NFASC: variants seen among roughly 807,000 people sequenced by gnomAD.
The protein encoded by NFASC is neurofascin.
NFASC carries 43 observed loss-of-function variants against 147.5 expected under a neutral mutation model. The observed-to-expected ratio is 0.29, with a 90% CI of 0.23 to 0.38. NFASC has a LOEUF of 0.38. NFASC is among the 10% of genes least tolerant of loss of function. The probability of loss-of-function intolerance (pLI) is 1.00; values close to 1 mark genes in which losing one functional copy is unlikely to be tolerated. For synonymous variants in NFASC, 622 were observed against 665.5 expected (o/e 0.93, Z 1.01); for missense variants, 1,320 against 1,689.0 (o/e 0.78, Z 3.83).
intron 1 of NFASC, among the ~76,000 whole-genome samples, chr1:204,882,254 C>A (rs1209415774): frequency 6.6e-6 from 1 of 152,132 alleles, no homozygotes; most frequent in Non-Finnish European, 1.5e-5. Context: ...CTTCATGCTT[C>A]CCCTAAAGTC....
intron 2 of NFASC, among the ~76,000 whole-genome samples, chr1:204,921,512 G>T (rs74959341): frequency 6.6e-6 from 1 of 152,072 alleles, no homozygotes. Context: ...TCACTCTCTT[G>T]TTGTCTTTTT....
chr1:204,905,516 C>G (rs1368991224), intron 1 of NFASC, among the ~76,000 whole-genome samples: 1 of 152,096 alleles, frequency 6.6e-6, no homozygotes, highest in Non-Finnish European at 1.5e-5. Context: ...GGAGAAGTAT[C>G]TATTCAAGTC....
intron 24 of NFASC, among the ~76,000 whole-genome samples, chr1:204,996,585 G>A (rs537172780): frequency 9.2e-5 from 14 of 152,348 alleles, no homozygotes; most frequent in African/African-American, 2.4e-4. Context: ...GCAGAACGCC[G>A]TGCAAGGCTC....
In NFASC at chr1:204,954,946, G is replaced by A; in HGVS notation, c.530G>A (p.Ser177Asn). The change falls in exon 7 of 30, where the codon AGC (serine) becomes AAC (asparagine). Residue 177 changes from serine (S) to asparagine (N), a missense_variant. Physicochemically the swap from Ser to Asn is conservative, Grantham distance 46. Around this residue, in one of 3 missense-constraint regions of NFASC, gnomAD observed 981 missense variants for 1,289.5 expected, o/e 0.76. Transcript: ENST00000339876. This position sits in a 1 kb window ranked among gnomAD's most constrained non-coding sequence, Gnocchi z 5.7. ...CCATCCCCGGTCATCTTCTGGATGA[G>A]CAGCTGTGAGTCTTGGGGGCCTGGT... The part of the protein sequence containing the change: ...GLPSPVIFWM[S>N]SSMEPITQDK... The A allele has an allele frequency of 6.2e-7, 1 of 1,613,968 alleles. No individual in the cohort carries two copies. The highest frequency in any genetic ancestry group is 1.1e-5 in the South Asian group (1 of 91,080).
At chr1:204,970,820 A>G (rs536610044) in intron 11 of NFASC, 73 bp downstream of exon 11, 2 of 1,575,108 alleles carry the variant, frequency 1.3e-6, no homozygotes, top group Non-Finnish European at 1.7e-6. Context: ...CCATCACTGT[A>G]GCCAGTGCTG....
chr1:205,007,080 G>A (rs1204228802), intron 27 of NFASC, among the ~76,000 whole-genome samples: 1 of 151,956 alleles, frequency 6.6e-6, no homozygotes, highest in Non-Finnish European at 1.5e-5. Flanking sequence ...GGAGGGGGTG[G>A]AAGAGCATAG....
At chr1:204,873,724 C>A (rs1222995151) in intron 1 of NFASC, among the ~76,000 whole-genome samples, 2 of 152,194 alleles carry the variant, frequency 1.3e-5, no homozygotes, top group Non-Finnish European at 2.9e-5. Context: ...CCTCAGTGGG[C>A]TTGGTGAGCC....
At chr1:204,933,233 C>T (rs74138654) in intron 2 of NFASC, among the ~76,000 whole-genome samples, 1 of 152,176 alleles carries the variant, frequency 6.6e-6, no homozygotes, top group Non-Finnish European at 1.5e-5. Flanking sequence ...ATGGAGGAGA[C>T]CAACTAGGAG....
chr1:204,863,860 A>G (rs888514097), intron 1 of NFASC, among the ~76,000 whole-genome samples: 8 of 151,570 alleles, frequency 5.3e-5, no homozygotes, highest in South Asian at 4.2e-4. Context: ...AAAAAAAAAA[A>G]AAAGAAAGAA....
chr1:204,978,762 G>A (rs551044001), intron 17 of NFASC, among the ~76,000 whole-genome samples: 1 of 152,118 alleles, frequency 6.6e-6, no homozygotes, highest in Non-Finnish European at 1.5e-5. Context: ...TGTGGGGGGG[G>A]GCTGGGATTT....
Position 204,979,369 on chromosome 1 carries a change from C to G in NFASC, c.1986C>G (p.Val662=), listed in dbSNP as rs751878525. 1.7e-5 allele frequency: 27 copies of G among 1,613,826 alleles called. No individual in the cohort carries two copies. The highest frequency in any genetic ancestry group is 4.0e-5 in the African/African-American group (3 of 74,928). Residue 662 remains valine (V), a synonymous_variant, in exon 19 of 30, where the codon GTC becomes GTG. Coordinates refer to ENST00000339876, the MANE Select transcript of NFASC (RefSeq NM_001005388.3). This position sits in a 1 kb window ranked among gnomAD's most constrained non-coding sequence, Gnocchi z 6.0. ...TTTTCCTTGCCCACTCAGACTACGTCGTCCAGTTTGAAGAAGACCAGTTCC... is the reference window on the plus strand; with the variant it reads ...TTTTCCTTGCCCACTCAGACTACGTGGTCCAGTTTGAAGAAGACCAGTTCC... The part of the protein sequence containing the change: ...DANNSPITDY[V]VQFEEDQFQP...
rs182657453 is a variant in NFASC at position 204,896,046 on chromosome 1, T to C, written c.-199-24586T>C. On this transcript the variant is annotated intron_variant, in intron 1 of 29. Transcript: ENST00000339876. ...TTATTTTGTTTAGGAGCTTCTGAGC[T>C]GCGAACAGCTTTGCCCACTCTCTGG... is the stretch of plus-strand genomic sequence containing the variant. 2.8e-3 allele frequency among the ~76,000 whole-genome samples: 420 copies of C among 152,346 alleles called. 3 individuals carry two copies. Among genetic ancestry groups the C allele is most frequent in the Middle Eastern group, 3.4e-3 (1 of 294 alleles).
intron 2 of NFASC, among the ~76,000 whole-genome samples, chr1:204,936,716 T>C (rs2625219): frequency 0.17 from 26,066 of 152,192 alleles, 3,038 homozygotes; most frequent in African/African-American, 0.33. Flanking sequence ...ATTGACATTC[T>C]GCCCTCCATG....
In NFASC at chr1:204,993,762, C is replaced by T. The variant is rs758807697; in HGVS notation, c.2782+2456C>T. On this transcript the variant is annotated intron_variant, in intron 24 of 29. Transcript: ENST00000339876. ...TTGCGGCAGGAAATGACATCCTAGC[C>T]CAGTCATGTGTCTGCCCAGCCTGGT... is the stretch of plus-strand genomic sequence containing the variant. The T allele has an allele frequency of 2.1e-5, 11 of 517,624 alleles. No homozygotes were observed. The East Asian group carries it at 5.5e-4, about 26-fold the overall frequency. The allele number at this position is 517,624 out of a possible 1,614,324, so 32.1% of individuals were successfully genotyped here. A position where few individuals can be genotyped will look rare whatever the true frequency, so the allele number is the denominator to read the frequency against.
rs1034405906 is a variant in NFASC, at chr1:204,979,165, G to A, written c.1978+96G>A. 183 of 1,109,982 alleles carry A rather than the reference G, an allele frequency of 1.6e-4. No individual in the cohort carries two copies. Among genetic ancestry groups the A allele is most frequent in the Non-Finnish European group, 2.2e-4 (168 of 761,178 alleles). 68.8% of individuals were successfully genotyped at this position (1,109,982 alleles called of 1,614,324 possible). A position where few individuals can be genotyped will look rare whatever the true frequency, so the allele number is the denominator to read the frequency against. On this transcript the variant is annotated intron_variant, in intron 18 of 29. Transcript: ENST00000339876. This position sits in a 1 kb window ranked among gnomAD's most constrained non-coding sequence, Gnocchi z 6.0. The stretch of plus-strand genomic sequence containing the variant: ...TGGTTTCCAGCCCCACTTCTGCCTC[G>A]CTTGATGTGTGTCCTGGGCTAACCT...
At chr1:204,917,861 G>A (rs2089623303) in intron 1 of NFASC, among the ~76,000 whole-genome samples, 1 of 152,130 alleles carries the variant, frequency 6.6e-6, no homozygotes, top group South Asian at 2.1e-4. Context: ...CTTCGGGAAT[G>A]GTATTTAGAA....
Position 204,906,761 on chromosome 1 carries a change from C to G in NFASC, c.-199-13871C>G. 3.5e-5 allele frequency among the ~76,000 whole-genome samples: 2 copies of G among 57,518 alleles called. 1 individual carries two copies. The highest frequency in any genetic ancestry group is 2.5e-4 in the Admixed American group (2 of 8,034). 37.7% of individuals were successfully genotyped at this position (57,518 alleles called of 152,430 possible). On this transcript the variant is annotated intron_variant, in intron 1 of 29. Transcript: ENST00000339876. ...GCAGTGGCGCGATCTCGGCTCACTG[C>G]AAGCTCCGCCTCCCGGGCTCATGCC...
chr1:204,839,418 C>T (rs1282447255), intron 1 of NFASC, among the ~76,000 whole-genome samples: 1 of 136,108 alleles, frequency 7.3e-6, no homozygotes, highest in Non-Finnish European at 1.6e-5. Flanking sequence ...CACACACACA[C>T]GATAGGGAAA....
chr1:204,983,154 C>A (rs2095541064), intron 21 of NFASC, among the ~76,000 whole-genome samples: 1 of 152,174 alleles, frequency 6.6e-6, no homozygotes. Context: ...ACGCTTCTAC[C>A]CTGCGGCCCA....
Sources: allele counts gnomAD v4.1 joint callset (sites outside exome capture counted in the v4.1 genomes callset), GRCh38; gene constraint gnomAD v4.1.1; regional missense constraint gnomAD v4.1.1; non-coding constraint Gnocchi (gnomAD v3.1); transcripts MANE v1.5; gene names NCBI Gene and HGNC (gene_info 2026-07-23, HGNC 2026-07-21).